Variants in TIMMDC1 observed in about 807,000 individuals in gnomAD.
The protein encoded by TIMMDC1 is complex I assembly factor TIMMDC1, mitochondrial.
Under a neutral mutation model 32.6 loss-of-function variants are expected in TIMMDC1, and 25 were observed. That is an observed-to-expected ratio of 0.77 (90% CI 0.56 to 1.07). The LOEUF (loss-of-function observed/expected upper bound fraction) is 1.07. Ranked by LOEUF, TIMMDC1 falls within the 50% of genes least tolerant of loss-of-function variation. TIMMDC1 has a pLI of 0.00. For synonymous variants in TIMMDC1, 130 were observed against 127.6 expected (o/e 1.02, Z -0.13); for missense variants, 329 against 349.2 (o/e 0.94, Z 0.46).
At chr3:119,518,144 C>T (rs1159781047) in intron 6 of TIMMDC1, among the ~76,000 whole-genome samples, 1 of 152,086 alleles carries the variant, frequency 6.6e-6, no homozygotes, top group Non-Finnish European at 1.5e-5. Flanking sequence ...TGCATCTAAT[C>T]ATCTCCTGGG....
intron 2 of TIMMDC1, 147 bp from the exon 3 acceptor site, chr3:119,503,385 A>C (rs2081892914): frequency 1.7e-6 from 1 of 589,350 alleles, no homozygotes; most frequent in Non-Finnish European, 2.9e-6. Flanking sequence ...TCAATACTTA[A>C]AGAATAGTAT....
Position 119,503,626 on chromosome 3 carries a change from T to G in TIMMDC1, c.449+6T>G. 1 of 1,596,854 alleles carries G rather than the reference T, an allele frequency of 6.3e-7. No individual in the cohort carries two copies. The highest frequency in any genetic ancestry group is 8.5e-7 in the Non-Finnish European group (1 of 1,170,854). On this transcript the variant is annotated splice_donor_region_variant and intron_variant, in intron 3 of 6. Coordinates refer to ENST00000494664, the MANE Select transcript of TIMMDC1 (RefSeq NM_016589.4). ...GTGTTTGTGACTATATTCAAGTAAG[T>G]TCACTCTGAATTGTGAGATAGTGAA...
At chr3:119,510,165 A>G (rs1410933921) in intron 4 of TIMMDC1, among the ~76,000 whole-genome samples, 1 of 152,212 alleles carries the variant, frequency 6.6e-6, no homozygotes, top group African/African-American at 2.4e-5. Context: ...AGATGACTTG[A>G]AAAATTATTG....
At chr3:119,501,121 C>A (rs1022537448) in intron 2 of TIMMDC1, among the ~76,000 whole-genome samples, 5 of 152,142 alleles carry the variant, frequency 3.3e-5, no homozygotes, top group African/African-American at 1.2e-4. Flanking sequence ...TTCTTCCAAT[C>A]CCCTGCTAAA....
At chr3:119,511,115 G>A (rs974672238) in intron 4 of TIMMDC1, among the ~76,000 whole-genome samples, 1 of 151,902 alleles carries the variant, frequency 6.6e-6, no homozygotes, top group Non-Finnish European at 1.5e-5. Flanking sequence ...TTCTAGGCTA[G>A]ACAGTTTATC....
Position 119,513,731 on chromosome 3 carries a change from C to A in TIMMDC1, c.596+12C>A. ...GGAGCCTTGCTGGGGTAAGCATTAACATGGTTTGGTTCTAAATTGGCACAA... is the reference window on the plus strand; with the variant it reads ...GGAGCCTTGCTGGGGTAAGCATTAAAATGGTTTGGTTCTAAATTGGCACAA... On this transcript the variant is annotated intron_variant, in intron 5 of 6. Coordinates refer to ENST00000494664, the MANE Select transcript of TIMMDC1 (RefSeq NM_016589.4). 6.4e-7 allele frequency: 1 copy of A among 1,574,188 alleles called. No homozygotes were observed. Among genetic ancestry groups the A allele is most frequent in the Non-Finnish European group, 8.6e-7 (1 of 1,163,170 alleles).
intron 2 of TIMMDC1, among the ~76,000 whole-genome samples, chr3:119,502,163 C>T (rs916989958): frequency 6.6e-6 from 1 of 151,996 alleles, no homozygotes; most frequent in Non-Finnish European, 1.5e-5. Context: ...TATAATATTT[C>T]TACTATCTAA....
chr3:119,521,230 A>G (rs1017598276), intron 6 of TIMMDC1, among the ~76,000 whole-genome samples: 1 of 152,144 alleles, frequency 6.6e-6, no homozygotes, highest in African/African-American at 2.4e-5. Flanking sequence ...TAGAAATCCT[A>G]GCCAGAGCAG....
chr3:119,499,341 C>T (rs1186800767), intron 1 of TIMMDC1, among the ~76,000 whole-genome samples: 2 of 151,856 alleles, frequency 1.3e-5, no homozygotes, highest in African/African-American at 2.4e-5. Flanking sequence ...CTTAGGCGAT[C>T]CGCCTACCTC....
At chr3:119,509,195 G>A (rs1484521526) in intron 4 of TIMMDC1, among the ~76,000 whole-genome samples, 1 of 151,798 alleles carries the variant, frequency 6.6e-6, no homozygotes, top group Non-Finnish European at 1.5e-5. Flanking sequence ...TACAGAGTGA[G>A]ACTCCATCTC....
rs1433361407 is a variant in TIMMDC1 at position 119,517,059 on chromosome 3, G to C, written c.597-146G>C. The C allele has an allele frequency of 2.7e-5, 13 of 482,974 alleles. No homozygotes were observed. In the East Asian group the frequency reaches 4.1e-4, roughly 15 times the overall value. The allele number at this position is 482,974 out of a possible 1,614,324, so 29.9% of individuals were successfully genotyped here. On this transcript the variant is annotated intron_variant, in intron 5 of 6. Transcript: ENST00000494664. ...ATTACCTCAATGTTTTTCTTTATTT[G>C]ACAAGGACACTTTAATTCTCAAATG...
chr3:119,519,026 A>G (rs2082005686), intron 6 of TIMMDC1, among the ~76,000 whole-genome samples: 1 of 152,242 alleles, frequency 6.6e-6, no homozygotes, highest in African/African-American at 2.4e-5. Context: ...CTGCCTTATA[A>G]GAAATGCTTA....
chr3:119,503,066 A>G (rs1451041740), intron 2 of TIMMDC1, among the ~76,000 whole-genome samples: 1 of 152,066 alleles, frequency 6.6e-6, no homozygotes, highest in Non-Finnish European at 1.5e-5. Context: ...TTCTTATTTT[A>G]TTCTGTAGAT....
At chr3:119,523,041 A>G (rs1235481934) in intron 6 of TIMMDC1, among the ~76,000 whole-genome samples, 2 of 152,232 alleles carry the variant, frequency 1.3e-5, no homozygotes, top group Non-Finnish European at 2.9e-5. Context: ...TAATCCCGAT[A>G]ATCACTTAAG....
chr3:119,498,654 C>T lies in TIMMDC1; in HGVS notation c.-80C>T. On this transcript the variant is annotated 5_prime_UTR_variant, in exon 1 of 7. Coordinates refer to ENST00000494664, the MANE Select transcript of TIMMDC1 (RefSeq NM_016589.4). ...CAAATGCACGGATTCTCACCTCGTA[C>T]AGTTACGCTCTCCCGCGGCACGTCC... is the stretch of plus-strand genomic sequence containing the variant. 1 of 1,401,892 alleles carries T rather than the reference C, an allele frequency of 7.1e-7. No individual in the cohort carries two copies. Among genetic ancestry groups the T allele is most frequent in the South Asian group, 1.2e-5 (1 of 81,202 alleles). The allele number at this position is 1,401,892 out of a possible 1,614,324, so 86.8% of individuals were successfully genotyped here. A position where few individuals can be genotyped will look rare whatever the true frequency, so the allele number is the denominator to read the frequency against.
intron 2 of TIMMDC1, among the ~76,000 whole-genome samples, chr3:119,501,643 T>C (rs1268367703): frequency 6.6e-6 from 1 of 152,184 alleles, no homozygotes; most frequent in Non-Finnish European, 1.5e-5. Context: ...ATCATTTATT[T>C]TAAAAATAAA....
chr3:119,515,893 C>T (rs997324970), intron 5 of TIMMDC1, among the ~76,000 whole-genome samples: 3 of 152,176 alleles, frequency 2.0e-5, no homozygotes, highest in African/African-American at 4.8e-5. Flanking sequence ...GTGCTACCTT[C>T]GTCCTCCACC....
chr3:119,522,485 C>G (rs1489389447), intron 6 of TIMMDC1, among the ~76,000 whole-genome samples: 1 of 152,040 alleles, frequency 6.6e-6, no homozygotes, highest in Non-Finnish European at 1.5e-5. Flanking sequence ...GGCATAAATT[C>G]TAGTGTTCTG....
At chr3:119,512,368 G>A (rs751043185) in intron 4 of TIMMDC1, among the ~76,000 whole-genome samples, 5 of 152,028 alleles carry the variant, frequency 3.3e-5, no homozygotes, top group African/African-American at 9.7e-5. Context: ...AACCTCTGCC[G>A]CCTGGGTTCA....
Sources: gnomAD v4.1 joint callset for allele counts (sites outside exome capture counted in the v4.1 genomes callset) on GRCh38, gnomAD v4.1.1 for gene constraint, MANE v1.5 for transcripts, NCBI Gene and HGNC (gene_info 2026-07-23, HGNC 2026-07-21) for gene names.